The following ARSF variants were observed in gnomAD, a reference collection of about 807,000 sequenced individuals.
ARSF encodes arylsulfatase F.
A neutral mutation model predicts 35.4 loss-of-function variants in ARSF; 33 were observed. The observed-to-expected ratio is 0.93, with a 90% CI of 0.71 to 1.25. The LOEUF (loss-of-function observed/expected upper bound fraction) is 1.25. ARSF is among the 50% of genes most tolerant of loss of function. The pLI, the probability that ARSF is intolerant of heterozygous loss-of-function variation, is 0.00. For synonymous variants in ARSF, 222 were observed against 193.1 expected, an observed-to-expected ratio of 1.15 and a Z score of -1.24; for missense variants, 501 against 480.2, an observed-to-expected ratio of 1.04 and a Z score of -0.40.
intron 9 of ARSF, among the ~76,000 whole-genome samples, chrX:3,108,374 G>T (rs185285089): frequency 1.8e-5 from 2 of 111,918 alleles, no homozygotes; most frequent in South Asian, 3.7e-4. Flanking sequence ...TAAATCTATA[G>T]ATCAATTTGC....
At chrX:3,080,460 G>A (rs745959504) in intron 4 of ARSF, among the ~76,000 whole-genome samples, 4 of 86,728 alleles carry the variant, frequency 4.6e-5, no homozygotes, top group South Asian at 1.6e-3. Context: ...GTGACAAAGC[G>A]AGACTTCATC....
chrX:3,088,867 C>T (rs1392652416), intron 6 of ARSF, among the ~76,000 whole-genome samples: 4 of 111,362 alleles, frequency 3.6e-5, no homozygotes, highest in Non-Finnish European at 1.9e-5. Flanking sequence ...GTCCTCAAAC[C>T]CATCCTTCCA....
chrX:3,059,128 C>A (rs1293916014), intron 1 of ARSF, among the ~76,000 whole-genome samples: 1 of 111,497 alleles, frequency 9.0e-6, no homozygotes. Flanking sequence ...CCATGGGAAT[C>A]TGAATTACAG....
intron 7 of ARSF, among the ~76,000 whole-genome samples, chrX:3,090,433 C>T (rs2090280630): frequency 8.9e-6 from 1 of 111,898 alleles, no homozygotes; most frequent in Non-Finnish European, 1.9e-5. Flanking sequence ...CTTTGGGAGG[C>T]TGAGGCAGGA....
chrX:3,094,217 CTT>C (rs2090323893), intron 7 of ARSF, among the ~76,000 whole-genome samples: 1 of 111,762 alleles, frequency 8.9e-6, no homozygotes, highest in South Asian at 3.8e-4. Flanking sequence ...AGTATGTGGC[CTT>C]TGGTGGCTGC....
intron 7 of ARSF, among the ~76,000 whole-genome samples, chrX:3,095,815 A>G (rs2090334581): frequency 9.1e-6 from 1 of 109,994 alleles, no homozygotes; most frequent in Non-Finnish European, 1.9e-5. Context: ...GACTTATAAG[A>G]TGTGCATTAA....
rs199739800 is a variant in ARSF, at chrX:3,080,951, C to G, written c.344C>G (p.Pro115Arg). 3.6e-5 allele frequency: 43 copies of G among 1,210,081 alleles called. No individual in the cohort carries two copies. The Admixed American group carries it at 6.8e-4, about 19-fold the overall frequency. Reference protein sequence around the residue: ...IQNLAVPAGLPLNETTLAALL... With the variant: ...IQNLAVPAGLRLNETTLAALL... Reference sequence around the variant, plus strand: ...AATCTTGCAGTCCCCGCAGGCCTCCCTCTTAATGAGACAACACTTGCAGCC... The same window carrying G: ...AATCTTGCAGTCCCCGCAGGCCTCCGTCTTAATGAGACAACACTTGCAGCC... The change falls in exon 5 of 11, where the codon CCT (proline) becomes CGT (arginine). Residue 115 changes from proline (P) to arginine (R), a missense_variant. Coordinates refer to ENST00000381127, the MANE Select transcript of ARSF (RefSeq NM_001201539.2).
chrX:3,075,640 C>T (rs1281053333), intron 3 of ARSF, among the ~76,000 whole-genome samples: 3 of 107,818 alleles, frequency 2.8e-5, no homozygotes, highest in Non-Finnish European at 5.8e-5. Context: ...CTCTCTCTCT[C>T]CCTCTCTCTG....
At position 3,073,694 on chromosome X, in the gene ARSF, A is replaced by T. The variant is rs1415335998; in HGVS notation, c.161+1519A>T. On this transcript the variant is annotated intron_variant, in intron 3 of 10. Coordinates refer to ENST00000381127, the MANE Select transcript of ARSF (RefSeq NM_001201539.2). ...AATATATAATTAATAAATATATATT[A>T]TAAATATAGATTTATAATATATAAA... Among the ~76,000 whole-genome samples, 3 of 101,368 alleles carry T rather than the reference A, an allele frequency of 3.0e-5. 1 individual carries two copies. The highest frequency in any genetic ancestry group is 1.1e-4 in the African/African-American group (3 of 28,281). The allele number at this position is 101,368 out of a possible 115,157, so 88.0% of individuals were successfully genotyped here. A position where few individuals can be genotyped will look rare whatever the true frequency, so the allele number is the denominator to read the frequency against.
rs150113779 is a variant in ARSF, at chrX:3,076,684, G to T, written c.283+15G>T. ...CATCCGATCAGGTGCGCAAACTGGC[G>T]GGCTCTGCTGGGCTCTGCCCTCATG... On this transcript the variant is annotated intron_variant, in intron 4 of 10. Transcript: ENST00000381127. 1.2e-4 allele frequency: 148 copies of T among 1,201,946 alleles called. No homozygotes were observed. The highest frequency in any genetic ancestry group is 1.3e-4 in the Non-Finnish European group (112 of 891,023).
chrX:3,072,148 T>G lies in ARSF; in HGVS notation c.134T>G (p.Leu45Arg). Residue 45 changes from leucine (L) to arginine (R), a missense_variant, in exon 3 of 11, where the codon CTG becomes CGG. Transcript: ENST00000381127. ...IMVDDLGIGD[L>R]GCYGNDTMRT... ...GTTGATGACCTGGGTATTGGAGATC[T>G]GGGCTGCTACGGCAATGACACCATG... is the stretch of plus-strand genomic sequence containing the variant. 2.5e-6 allele frequency: 3 copies of G among 1,211,464 alleles called. No individual in the cohort carries two copies. Among genetic ancestry groups the G allele is most frequent in the Non-Finnish European group, 3.4e-6 (3 of 895,301 alleles).
intron 7 of ARSF, among the ~76,000 whole-genome samples, chrX:3,091,244 A>G (rs2090287584): frequency 8.9e-6 from 1 of 111,959 alleles, no homozygotes; most frequent in Non-Finnish European, 1.9e-5. Context: ...AAGAGAAATC[A>G]TATTTTCAGA....
intron 1 of ARSF, among the ~76,000 whole-genome samples, chrX:3,055,362 A>G (rs2090013963): frequency 9.3e-6 from 1 of 107,761 alleles, no homozygotes; most frequent in East Asian, 2.9e-4. Context: ...AAAAAAAAAA[A>G]AAATCTAATA....
Position 3,112,191 on chromosome X carries a change from G to T in ARSF, c.1408G>T (p.Ala470Ser), listed in dbSNP as rs764917162. ...PKDDSGSVWK[A>S]HYVTPVFQPP... ...TCCTCCAGGTGGGTCAGTTTGGAAG[G>T]CTCACTATGTGACCCCGGTATTCCA... The change falls in exon 11 of 11, where the codon GCT becomes TCT. Residue 470 changes from alanine to serine, a missense_variant. Physicochemically the swap from Ala to Ser is moderately conservative, Grantham distance 99. Transcript: ENST00000381127. The T allele has an allele frequency of 1.1e-5, 13 of 1,207,545 alleles. No homozygotes were observed. The Admixed American group carries it at 1.1e-4, about 10-fold the overall frequency.
intron 4 of ARSF, among the ~76,000 whole-genome samples, chrX:3,077,789 T>TTTATTATTATTATTA (rs760984034): frequency 0.18 from 16,347 of 92,072 alleles, 1,467 homozygotes; most frequent in East Asian, 0.39. Flanking sequence ...TTTTATTTTA[T>TTTATTATTATTATTA]TTATTATTAT....
intron 4 of ARSF, among the ~76,000 whole-genome samples, chrX:3,077,495 C>T (rs947431927): frequency 3.7e-5 from 4 of 109,230 alleles, no homozygotes; most frequent in Non-Finnish European, 7.6e-5. Context: ...AAAAATTAGC[C>T]GGACATGGGG....
intron 9 of ARSF, among the ~76,000 whole-genome samples, chrX:3,106,722 A>G (rs2090413369): frequency 8.9e-6 from 1 of 112,830 alleles, no homozygotes; most frequent in South Asian, 3.7e-4. Flanking sequence ...ATTTATAACC[A>G]GAGATCCTGA....
chrX:3,069,033 C>G (rs73439682), intron 2 of ARSF, among the ~76,000 whole-genome samples: 3,223 of 111,751 alleles, frequency 0.029, 38 homozygotes, highest in Middle Eastern at 0.065. Context: ...CATGTATAGA[C>G]ATGAGATAGG....
At chrX:3,071,279 G>A (rs2090101784) in intron 2 of ARSF, among the ~76,000 whole-genome samples, 1 of 110,767 alleles carries the variant, frequency 9.0e-6, no homozygotes, top group African/African-American at 3.3e-5. Flanking sequence ...AAACATGCGT[G>A]TGCAAGTGTC....
Sources: allele counts gnomAD v4.1 joint callset (sites outside exome capture counted in the v4.1 genomes callset), GRCh38; gene constraint gnomAD v4.1.1; transcripts MANE v1.5; gene names NCBI Gene and HGNC (gene_info 2026-07-23, HGNC 2026-07-21).